The following SH3RF3 variants were observed in gnomAD, a reference collection of about 807,000 sequenced individuals.
SH3RF3 encodes the protein SH3 domain containing ring finger 3.
Under a neutral mutation model 66.3 loss-of-function variants are expected in SH3RF3, and 29 were observed. The observed-to-expected ratio is 0.44, with a 90% CI of 0.33 to 0.60. SH3RF3 has a LOEUF of 0.60. Ranked by LOEUF, SH3RF3 falls within the 20% of genes least tolerant of loss-of-function variation. The probability of loss-of-function intolerance (pLI) is 0.04; values close to 1 mark genes in which losing one functional copy is unlikely to be tolerated. For missense variants in SH3RF3, 1,194 were observed against 1,190.9 expected, an observed-to-expected ratio of 1.00 and a Z score of -0.04; for synonymous variants, 583 against 532.0, an observed-to-expected ratio of 1.10 and a Z score of -1.32.
chr2:109,143,300 G>C (rs113199654), intron 1 of SH3RF3, among the ~76,000 whole-genome samples: 2 of 152,288 alleles, frequency 1.3e-5, no homozygotes, highest in African/African-American at 4.8e-5. Context: ...CTGAGGCTTG[G>C]AGGACCATAG....
intron 1 of SH3RF3, among the ~76,000 whole-genome samples, chr2:109,201,174 A>G (rs1192496161): frequency 6.6e-6 from 1 of 152,210 alleles, no homozygotes; most frequent in Non-Finnish European, 1.5e-5. Context: ...CGGCCTCTGC[A>G]TGGCTGCAAG....
At chr2:109,475,767 A>G (rs1041605418) in intron 8 of SH3RF3, among the ~76,000 whole-genome samples, 1 of 152,246 alleles carries the variant, frequency 6.6e-6, no homozygotes, top group African/African-American at 2.4e-5. Context: ...CCTCGGGGGC[A>G]GAATCACCCT....
chr2:109,426,670 A>C (rs1677035020), intron 5 of SH3RF3, among the ~76,000 whole-genome samples: 1 of 152,240 alleles, frequency 6.6e-6, no homozygotes, highest in South Asian at 2.1e-4. Flanking sequence ...ACAGTTGATG[A>C]AGCAGCAGCA....
chr2:109,237,991 A>G (rs1489057878), intron 1 of SH3RF3, among the ~76,000 whole-genome samples: 2 of 152,166 alleles, frequency 1.3e-5, no homozygotes, highest in African/African-American at 4.8e-5. Flanking sequence ...CTAGCACTTG[A>G]GGTCAGGAGT....
chr2:109,433,695 G>A (rs765149265), intron 6 of SH3RF3, among the ~76,000 whole-genome samples: 14 of 152,216 alleles, frequency 9.2e-5, no homozygotes, highest in Non-Finnish European at 1.5e-4. Context: ...GCTCTAGTTC[G>A]CAAGGCAATC....
chr2:109,190,166 C>G (rs1193196825), intron 1 of SH3RF3, among the ~76,000 whole-genome samples: 4 of 152,062 alleles, frequency 2.6e-5, no homozygotes, highest in Non-Finnish European at 5.9e-5. Context: ...TTACAATCAC[C>G]TTGACATCCT....
intron 8 of SH3RF3, among the ~76,000 whole-genome samples, chr2:109,483,789 T>G (rs923005666): frequency 6.6e-6 from 1 of 152,154 alleles, no homozygotes; most frequent in East Asian, 1.9e-4. Flanking sequence ...CTCCCCAGGC[T>G]GCAGGCGCTG....
intron 1 of SH3RF3, among the ~76,000 whole-genome samples, chr2:109,337,340 C>T (rs1403123921): frequency 6.6e-6 from 1 of 152,184 alleles, no homozygotes; most frequent in African/African-American, 2.4e-5. Flanking sequence ...GGCTGCTGGC[C>T]CCATTGTGGC....
chr2:109,316,015 C>CT (rs34909369), intron 1 of SH3RF3, among the ~76,000 whole-genome samples: 1 of 152,104 alleles, frequency 6.6e-6, no homozygotes, highest in South Asian at 2.1e-4. Context: ...GCATCAGGGG[C>CT]TTTTTTCACC....
intron 8 of SH3RF3, among the ~76,000 whole-genome samples, chr2:109,481,941 C>G (rs1678847408): frequency 6.6e-6 from 1 of 152,238 alleles, no homozygotes; most frequent in Non-Finnish European, 1.5e-5. Context: ...GTGAATGCCT[C>G]TGTGCTCCCC....
intron 1 of SH3RF3, among the ~76,000 whole-genome samples, chr2:109,212,495 C>G (rs1246895695): frequency 6.6e-6 from 1 of 152,210 alleles, no homozygotes; most frequent in East Asian, 1.9e-4. Context: ...GTGAGGCTTT[C>G]CGACAGCTCC....
intron 5 of SH3RF3, among the ~76,000 whole-genome samples, chr2:109,426,813 A>G (rs1677037695): frequency 6.6e-6 from 1 of 152,168 alleles, no homozygotes; most frequent in African/African-American, 2.4e-5. Flanking sequence ...TTGCTGTCTT[A>G]TTTTAAGAAG....
chr2:109,282,592 G>T (rs893493160), intron 1 of SH3RF3, among the ~76,000 whole-genome samples: 1 of 152,192 alleles, frequency 6.6e-6, no homozygotes, highest in Non-Finnish European at 1.5e-5. Flanking sequence ...GGAGAACGGC[G>T]CACAGAGCCA....
intron 1 of SH3RF3, among the ~76,000 whole-genome samples, chr2:109,193,441 C>T (rs1319430170): frequency 6.6e-6 from 1 of 152,196 alleles, no homozygotes; most frequent in Non-Finnish European, 1.5e-5. Flanking sequence ...CTTACTGTCA[C>T]CCCAGCTCTG....
intron 7 of SH3RF3, among the ~76,000 whole-genome samples, chr2:109,438,365 T>C (rs1283195410): frequency 6.6e-6 from 1 of 151,974 alleles, no homozygotes; most frequent in African/African-American, 2.4e-5. Flanking sequence ...GTGCCCAATG[T>C]CTGGCACCAT....
intron 1 of SH3RF3, among the ~76,000 whole-genome samples, chr2:109,185,436 C>T (rs542989014): frequency 4.9e-4 from 75 of 152,310 alleles, no homozygotes; most frequent in African/African-American, 8.2e-4. Flanking sequence ...ATCCTTGATC[C>T]GAAGAGGCAA....
chr2:109,148,685 A>G (rs1292299269), intron 1 of SH3RF3, among the ~76,000 whole-genome samples: 4 of 152,262 alleles, frequency 2.6e-5, no homozygotes, highest in Admixed American at 6.5e-5. Context: ...AATGCTGAAA[A>G]GTGCATTCAT....
intron 5 of SH3RF3, among the ~76,000 whole-genome samples, chr2:109,425,547 C>T (rs1216757882): frequency 6.6e-6 from 1 of 152,192 alleles, no homozygotes; most frequent in East Asian, 1.9e-4. Flanking sequence ...TGTTCATTTG[C>T]CATTCCGAGA....
intron 8 of SH3RF3, 133 bp downstream of exon 8, chr2:109,449,622 C>A (rs1299787473): frequency 8.4e-7 from 1 of 1,194,684 alleles, no homozygotes; most frequent in Non-Finnish European, 1.1e-6. Context: ...CCTAGATGAA[C>A]CAGGCGTGTG....
Sources: allele counts gnomAD v4.1 joint callset (sites outside exome capture counted in the v4.1 genomes callset), GRCh38; gene constraint gnomAD v4.1.1; transcripts MANE v1.5; gene names NCBI Gene and HGNC (gene_info 2026-07-23, HGNC 2026-07-21).